The following PLEKHM3 variants were observed in gnomAD, a reference collection of about 807,000 sequenced individuals.
The protein encoded by PLEKHM3 is pleckstrin homology domain containing M3, also known as pleckstrin homology domain-containing family M member 3.
A neutral mutation model predicts 81.8 loss-of-function variants in PLEKHM3; 45 were observed. The ratio of observed to expected loss-of-function variants is 0.55; its 90% CI spans 0.43 to 0.71. PLEKHM3 has a LOEUF of 0.71. Among genes scored for constraint, PLEKHM3 ranks in the 30% least tolerant of loss-of-function variants. The probability of loss-of-function intolerance (pLI) is 0.00; values close to 1 mark genes in which losing one functional copy is unlikely to be tolerated. For synonymous variants in PLEKHM3, 352 were observed against 356.4 expected, an observed-to-expected ratio of 0.99 and a Z score of 0.14; for missense variants, 788 against 924.3, an observed-to-expected ratio of 0.85 and a Z score of 1.91.
chr2:208,001,082 T>C lies in PLEKHM3; in HGVS notation c.558A>G (p.Pro186=), dbSNP rs1216891546. 2 of 1,570,126 alleles carry C rather than the reference T, an allele frequency of 1.3e-6. No homozygotes were observed. Among genetic ancestry groups the C allele is most frequent in the East Asian group, 2.4e-5 (1 of 41,678 alleles). The change falls in exon 2 of 8, where the codon CCA becomes CCG. Residue 186 remains proline (P), a synonymous_variant. Transcript: ENST00000427836. Reference sequence around the variant, plus strand: ...TATTTGGTGAGGGCAACAGAAAAGATGGCCTGGTGACATGCGGGCCTTGAA... The same window carrying C: ...TATTTGGTGAGGGCAACAGAAAAGACGGCCTGGTGACATGCGGGCCTTGAA... The part of the protein sequence containing the change: ...PLLQGPHVTR[P]SFLLPSPNKI...
At chr2:208,011,254 AAAG>A (rs1257875547) in intron 1 of PLEKHM3, among the ~76,000 whole-genome samples, 1 of 152,170 alleles carries the variant, frequency 6.6e-6, no homozygotes, top group Non-Finnish European at 1.5e-5. Context: ...ACCCAAAGGA[AAAG>A]AAGTCATTAT....
chr2:207,880,797 ACAAAC>A (rs2092586903), intron 6 of PLEKHM3, among the ~76,000 whole-genome samples: 1 of 137,002 alleles, frequency 7.3e-6, no homozygotes, highest in African/African-American at 2.7e-5. Context: ...AACCAAAAAA[ACAAAC>A]AAACAAAAAA....
At chr2:207,872,922 CA>C (rs1252375766) in intron 6 of PLEKHM3, among the ~76,000 whole-genome samples, 1 of 152,256 alleles carries the variant, frequency 6.6e-6, no homozygotes, top group East Asian at 1.9e-4. Flanking sequence ...TGAGGAAAAA[CA>C]GAAAGCAAAA....
In PLEKHM3 at chr2:207,982,928, T is replaced by C. The variant is rs184129488; in HGVS notation, c.611-5342A>G. Among the ~76,000 whole-genome samples, 5 of 152,236 alleles carry C rather than the reference T, an allele frequency of 3.3e-5. No individual in the cohort carries two copies. In the East Asian group the frequency reaches 9.7e-4, roughly 29 times the overall value. ...TCTCTGCCTTACTCTATTGTAAGAA[T>C]ACAGTATATAATACATATAACATAC... On this transcript the variant is annotated intron_variant, in intron 2 of 7. Coordinates refer to ENST00000427836, the MANE Select transcript of PLEKHM3 (RefSeq NM_001080475.3).
At chr2:207,865,801 A>AAAAAATATATATATATATATATAT in intron 6 of PLEKHM3, among the ~76,000 whole-genome samples, 2 of 25,290 alleles carry the variant, frequency 7.9e-5, no homozygotes, top group African/African-American at 2.1e-4. Flanking sequence ...AAAAAAAAAA[A>AAAAAATATATATATATATATATAT]AGATATATAT....
intron 5 of PLEKHM3, among the ~76,000 whole-genome samples, chr2:207,918,779 C>T (rs114101794): frequency 0.019 from 2,894 of 152,262 alleles, 95 homozygotes; most frequent in African/African-American, 0.066. Context: ...TTAGCCCCCA[C>T]TATATGTATA....
chr2:207,827,662 C>G lies in PLEKHM3; in HGVS notation c.*657G>C, dbSNP rs988744700. On this transcript the variant is annotated 3_prime_UTR_variant, in exon 8 of 8. Coordinates refer to ENST00000427836, the MANE Select transcript of PLEKHM3 (RefSeq NM_001080475.3). Reference sequence around the variant, plus strand: ...CTGAGATTAACTTCAAAACCAGAACCAGCCCTCCTCATAAATGAGGGGTGT... The same window carrying G: ...CTGAGATTAACTTCAAAACCAGAACGAGCCCTCCTCATAAATGAGGGGTGT... The G allele has an allele frequency of 1.3e-5, 2 of 152,176 alleles. No individual in the cohort carries two copies. The highest frequency in any genetic ancestry group is 2.9e-5 in the Non-Finnish European group (2 of 68,032). The allele number at this position is 152,176 out of a possible 1,614,324, so 9.4% of individuals were successfully genotyped here. A position where few individuals can be genotyped will look rare whatever the true frequency, so the allele number is the denominator to read the frequency against.
intron 5 of PLEKHM3, among the ~76,000 whole-genome samples, chr2:207,917,227 CA>C (rs1360429717): frequency 6.6e-6 from 1 of 152,208 alleles, no homozygotes; most frequent in Non-Finnish European, 1.5e-5. Context: ...GCCCCAGCTG[CA>C]GCTGATGAAA....
chr2:207,942,152 A>G (rs1231254426), intron 4 of PLEKHM3, among the ~76,000 whole-genome samples: 1 of 152,238 alleles, frequency 6.6e-6, no homozygotes, highest in African/African-American at 2.4e-5. Flanking sequence ...TATGGAATCA[A>G]CTTAAGTGCC....
At chr2:207,836,080 T>C (rs1440462452) in intron 7 of PLEKHM3, among the ~76,000 whole-genome samples, 71 of 152,326 alleles carry the variant, frequency 4.7e-4, no homozygotes, top group Non-Finnish European at 1.5e-4. Context: ...CTCCTAATTA[T>C]CTGTGTGTGC....
chr2:207,978,309 C>A (rs1691393259), intron 2 of PLEKHM3, among the ~76,000 whole-genome samples: 1 of 150,852 alleles, frequency 6.6e-6, no homozygotes, highest in Admixed American at 6.6e-5. Flanking sequence ...AGGTAACAGT[C>A]TATTAGGGTG....
intron 6 of PLEKHM3, among the ~76,000 whole-genome samples, chr2:207,881,020 T>C (rs1190483146): frequency 6.6e-6 from 1 of 151,500 alleles, no homozygotes; most frequent in Non-Finnish European, 1.5e-5. Flanking sequence ...GTTCTGAATA[T>C]AGAAACACTC....
chr2:207,971,497 T>C (rs546459330), intron 3 of PLEKHM3, among the ~76,000 whole-genome samples: 35 of 152,080 alleles, frequency 2.3e-4, no homozygotes, highest in Non-Finnish European at 4.6e-4. Context: ...TCACTATACA[T>C]ATGTATTGCA....
intron 6 of PLEKHM3, among the ~76,000 whole-genome samples, chr2:207,864,520 G>A (rs930074933): frequency 1.4e-4 from 21 of 152,296 alleles, no homozygotes; most frequent in African/African-American, 5.1e-4. Context: ...AGTCCATTTA[G>A]GGGGAAACAA....
In PLEKHM3 at chr2:207,822,263, C is replaced by T. The variant is rs907378548; in HGVS notation, c.*6056G>A. On this transcript the variant is annotated 3_prime_UTR_variant, in exon 8 of 8. Coordinates refer to ENST00000427836, the MANE Select transcript of PLEKHM3 (RefSeq NM_001080475.3). Reference sequence around the variant, plus strand: ...TATCACAATTTATCTAAGAGGCTTCCCACTTCTTATTTGGAAAACAGGTGG... The same window carrying T: ...TATCACAATTTATCTAAGAGGCTTCTCACTTCTTATTTGGAAAACAGGTGG... 2 of 152,596 alleles carry T rather than the reference C, an allele frequency of 1.3e-5. No individual in the cohort carries two copies. The highest frequency in any genetic ancestry group is 2.4e-5 in the African/African-American group (1 of 41,434). 9.5% of individuals were successfully genotyped at this position (152,596 alleles called of 1,614,324 possible). A position where few individuals can be genotyped will look rare whatever the true frequency, so the allele number is the denominator to read the frequency against.
At position 207,826,989 on chromosome 2, in the gene PLEKHM3, G is replaced by C. The variant is rs1287102912; in HGVS notation, c.*1330C>G. ...CTCTTCCAAGGGCACTGCAGCTGGAGAACACTACCTGCCAAATAGCAAAGC... is the reference window on the plus strand; with the variant it reads ...CTCTTCCAAGGGCACTGCAGCTGGACAACACTACCTGCCAAATAGCAAAGC... On this transcript the variant is annotated 3_prime_UTR_variant, in exon 8 of 8. Coordinates refer to ENST00000427836, the MANE Select transcript of PLEKHM3 (RefSeq NM_001080475.3). 6.6e-6 allele frequency: 1 copy of C among 152,144 alleles called. No homozygotes were observed. Among genetic ancestry groups the C allele is most frequent in the Admixed American group, 6.5e-5 (1 of 15,274 alleles). 9.4% of individuals were successfully genotyped at this position (152,144 alleles called of 1,614,324 possible).
intron 3 of PLEKHM3, among the ~76,000 whole-genome samples, chr2:207,973,787 T>C (rs896922349): frequency 6.6e-6 from 1 of 151,842 alleles, no homozygotes; most frequent in East Asian, 1.9e-4. Flanking sequence ...AGTGCTGGTA[T>C]GAAAAACAAC....
intron 2 of PLEKHM3, among the ~76,000 whole-genome samples, chr2:208,000,443 A>C (rs1021553394): frequency 7.2e-5 from 11 of 152,132 alleles, no homozygotes; most frequent in Middle Eastern, 3.2e-3. Context: ...CTGTCCTTTT[A>C]CGGTCACTGC....
chr2:207,896,171 G>C (rs933876479), intron 6 of PLEKHM3, among the ~76,000 whole-genome samples: 4 of 152,206 alleles, frequency 2.6e-5, no homozygotes, highest in African/African-American at 9.7e-5. Context: ...CCCTAGAGCT[G>C]GAAGGGGCTG....
Sources: gnomAD v4.1 joint callset for allele counts (sites outside exome capture counted in the v4.1 genomes callset) on GRCh38, gnomAD v4.1.1 for gene constraint, MANE v1.5 for transcripts, NCBI Gene and HGNC (gene_info 2026-07-23, HGNC 2026-07-21) for gene names.